SYNDIG1: variants seen among roughly 807,000 people sequenced by gnomAD.
SYNDIG1 encodes synapse differentiation inducing 1, also known as synapse differentiation-inducing gene protein 1.
In SYNDIG1, 9 loss-of-function variants were observed where a neutral mutation model predicts 19.4. The ratio of observed to expected loss-of-function variants is 0.46; its 90% CI spans 0.28 to 0.81. The LOEUF is 0.81. SYNDIG1 is among the 30% of genes least tolerant of loss of function. The pLI is 0.12. For missense variants in SYNDIG1, 311 were observed against 343.3 expected, an observed-to-expected ratio of 0.91 and a Z score of 0.74; for synonymous variants, 141 against 145.9, an observed-to-expected ratio of 0.97 and a Z score of 0.24.
At chr20:24,485,603 T>G (rs2055934468) in intron 1 of SYNDIG1, among the ~76,000 whole-genome samples, 1 of 152,230 alleles carries the variant, frequency 6.6e-6, no homozygotes, top group African/African-American at 2.4e-5. Flanking sequence ...CTTACTTCTT[T>G]TTTTCTTTAT....
intron 3 of SYNDIG1, among the ~76,000 whole-genome samples, chr20:24,621,517 C>T (rs1437166869): frequency 6.6e-6 from 1 of 152,188 alleles, no homozygotes; most frequent in Non-Finnish European, 1.5e-5. Context: ...TGGTCCCAAA[C>T]CCATGTGCTG....
chr20:24,645,378 C>A (rs926930686), intron 3 of SYNDIG1, among the ~76,000 whole-genome samples: 3 of 152,216 alleles, frequency 2.0e-5, no homozygotes, highest in African/African-American at 4.8e-5. Flanking sequence ...ATGAGCAGAC[C>A]AAATAGCTGG....
At chr20:24,625,263 T>C (rs1026158607) in intron 3 of SYNDIG1, among the ~76,000 whole-genome samples, 4 of 150,772 alleles carry the variant, frequency 2.7e-5, no homozygotes, top group African/African-American at 9.8e-5. Context: ...AAAGCAAACA[T>C]AAAAATTGAA....
intron 2 of SYNDIG1, among the ~76,000 whole-genome samples, chr20:24,574,917 C>G (rs1165882291): frequency 2.0e-5 from 3 of 152,224 alleles, no homozygotes; most frequent in African/African-American, 7.2e-5. Context: ...AGGAGAAATA[C>G]ATTTGTGCTT....
At chr20:24,505,165 G>A (rs1468359575) in intron 1 of SYNDIG1, among the ~76,000 whole-genome samples, 1 of 152,188 alleles carries the variant, frequency 6.6e-6, no homozygotes, top group Non-Finnish European at 1.5e-5. Context: ...GGGTAGGTAG[G>A]TGGCACCGCG....
intron 3 of SYNDIG1, among the ~76,000 whole-genome samples, chr20:24,586,235 T>TG (rs1395932091): frequency 2.6e-5 from 4 of 151,982 alleles, no homozygotes; most frequent in Non-Finnish European, 5.9e-5. Flanking sequence ...AGGGGCACAG[T>TG]GGGGAAATCT....
At chr20:24,648,653 C>T (rs2059442451) in intron 3 of SYNDIG1, among the ~76,000 whole-genome samples, 1 of 152,248 alleles carries the variant, frequency 6.6e-6, no homozygotes, top group South Asian at 2.1e-4. Flanking sequence ...CTGACAAGGG[C>T]TGCCTCCCTG....
chr20:24,494,437 C>T (rs906520447), intron 1 of SYNDIG1, among the ~76,000 whole-genome samples: 3 of 152,108 alleles, frequency 2.0e-5, no homozygotes, highest in East Asian at 1.9e-4. Flanking sequence ...GTGACGAGCT[C>T]GAGAAGCTAG....
intron 2 of SYNDIG1, among the ~76,000 whole-genome samples, chr20:24,572,313 G>T (rs111403118): frequency 6.6e-6 from 1 of 152,222 alleles, no homozygotes; most frequent in Non-Finnish European, 1.5e-5. Context: ...GCATTCTGGC[G>T]TGAGGGGATG....
At chr20:24,501,014 T>G (rs911386880) in intron 1 of SYNDIG1, among the ~76,000 whole-genome samples, 1 of 151,966 alleles carries the variant, frequency 6.6e-6, no homozygotes, top group African/African-American at 2.4e-5. Context: ...ACACAAGAAA[T>G]GAAACTTGAA....
At chr20:24,595,471 T>A (rs528851994) in intron 3 of SYNDIG1, among the ~76,000 whole-genome samples, 16 of 152,316 alleles carry the variant, frequency 1.1e-4, no homozygotes, top group South Asian at 2.1e-4. Flanking sequence ...TTCTGTTAAG[T>A]CTTTGCCAGG....
At chr20:24,588,638 C>G (rs1229164596) in intron 3 of SYNDIG1, among the ~76,000 whole-genome samples, 1 of 152,166 alleles carries the variant, frequency 6.6e-6, no homozygotes, top group Non-Finnish European at 1.5e-5. Flanking sequence ...GTGCTGCAGT[C>G]TCGGCTGGGA....
intron 2 of SYNDIG1, among the ~76,000 whole-genome samples, chr20:24,557,094 G>T (rs940179816): frequency 6.6e-6 from 1 of 151,756 alleles, no homozygotes; most frequent in South Asian, 2.1e-4. Context: ...CCACTTGATC[G>T]CATCAGCTCC....
At position 24,527,649 on chromosome 20, in the gene SYNDIG1, AG is replaced by A. The variant is rs11478712; in HGVS notation, c.-78-15366del. Among the ~76,000 whole-genome samples, 1,451 of 151,116 alleles carry A rather than the reference AG, an allele frequency of 9.6e-3. 26 individuals are homozygous for A. The highest frequency in any genetic ancestry group is 0.034 in the African/African-American group (1,380 of 41,136). ...ACCTTACTCTGTGGCTAAATTGGGG[AG>A]GGGGTCTTTCTCTTAGAGATGTTTG... is the stretch of plus-strand genomic sequence containing the variant. On this transcript the variant is annotated intron_variant, in intron 1 of 3. Coordinates refer to ENST00000376862, the MANE Select transcript of SYNDIG1 (RefSeq NM_024893.3).
At chr20:24,531,076 C>G (rs1051850600) in intron 1 of SYNDIG1, among the ~76,000 whole-genome samples, 1 of 152,112 alleles carries the variant, frequency 6.6e-6, no homozygotes, top group Admixed American at 6.5e-5. Context: ...TCCCAAAGTG[C>G]TAGGATTACA....
chr20:24,557,124 A>G (rs137972851), intron 2 of SYNDIG1, among the ~76,000 whole-genome samples: 36,394 of 151,926 alleles, frequency 0.24, 4,670 homozygotes, highest in Admixed American at 0.34. Flanking sequence ...TGCATTCTTC[A>G]TGTAGTTCTC....
At chr20:24,599,178 G>T (rs1600715769) in intron 3 of SYNDIG1, among the ~76,000 whole-genome samples, 1 of 152,134 alleles carries the variant, frequency 6.6e-6, no homozygotes, top group Admixed American at 6.5e-5. Flanking sequence ...AGTGGGCAAA[G>T]GATTTGTATA....
At chr20:24,632,984 T>A (rs2059267280) in intron 3 of SYNDIG1, among the ~76,000 whole-genome samples, 1 of 151,324 alleles carries the variant, frequency 6.6e-6, no homozygotes. Flanking sequence ...GTCAATAAAG[T>A]TACCACAGGC....
chr20:24,525,235 A>G lies in SYNDIG1; in HGVS notation c.-78-17785A>G, dbSNP rs531254776. ...CTTTTATATGATTTGCATTGTGGCTAAAGAAAATGATCTGTAAGATACTAA... is the reference window on the plus strand; with the variant it reads ...CTTTTATATGATTTGCATTGTGGCTGAAGAAAATGATCTGTAAGATACTAA... On this transcript the variant is annotated intron_variant, in intron 1 of 3. Transcript: ENST00000376862. 2.6e-5 allele frequency among the ~76,000 whole-genome samples: 4 copies of G among 151,472 alleles called. No homozygotes were observed. The South Asian group carries it at 8.3e-4, about 32-fold the overall frequency.
Sources: gnomAD v4.1 joint callset for allele counts (sites outside exome capture counted in the v4.1 genomes callset) on GRCh38, gnomAD v4.1.1 for gene constraint, MANE v1.5 for transcripts, NCBI Gene and HGNC (gene_info 2026-07-23, HGNC 2026-07-21) for gene names.